SNX6: variants seen among roughly 807,000 people sequenced by gnomAD.
The protein encoded by SNX6 is sorting nexin 6.
Under a neutral mutation model 63.0 loss-of-function variants are expected in SNX6, and 34 were observed. That is an observed-to-expected ratio of 0.54 (90% CI 0.41 to 0.72). The LOEUF (loss-of-function observed/expected upper bound fraction) is 0.72, where lower values mean the gene tolerates loss of function less well. Among genes scored for constraint, SNX6 ranks in the 30% least tolerant of loss-of-function variants. SNX6 has a pLI of 0.00. For missense variants in SNX6, 398 were observed against 471.4 expected (o/e 0.84, Z 1.44); for synonymous variants, 170 against 164.2 (o/e 1.04, Z -0.27).
rs1473410925 is a variant in SNX6 at position 34,608,055 on chromosome 14, T to C, written c.245A>G (p.Glu82Gly). ...GATATAACCTGCATAGTCTTCATTT[T>C]CAACAAAGGAATCATGAAGCCAGAT... ...EFIWLHDSFV[E>G]NEDYAGYIIP... Residue 82 changes from glutamate (E) to glycine (G), a missense_variant, in exon 4 of 14, where the codon GAA becomes GGA. By Grantham distance (98) the Glu-to-Gly change is moderately conservative. Transcript: ENST00000362031. 31 of 1,602,130 alleles carry C rather than the reference T, an allele frequency of 1.9e-5. No homozygotes were observed. The highest frequency in any genetic ancestry group is 2.6e-5 in the Non-Finnish European group (31 of 1,171,710).
Position 34,567,947 on chromosome 14 carries a change from C to T in SNX6, c.988G>A (p.Ala330Thr). 6.2e-7 allele frequency: 1 copy of T among 1,612,802 alleles called. No individual in the cohort carries two copies. The highest frequency in any genetic ancestry group is 8.5e-7 in the Non-Finnish European group (1 of 1,179,986). ...YENANKALDK[A>T]RAKNKDVLQA... ...AGAACATCTTTATTTTTTGCTCTTGCTTTATCCAGTGCTTTATTAGCATTT... is the reference window on the plus strand; with the variant it reads ...AGAACATCTTTATTTTTTGCTCTTGTTTTATCCAGTGCTTTATTAGCATTT... The change falls in exon 12 of 14, where the codon GCA (alanine) becomes ACA (threonine). Residue 330 changes from alanine (A) to threonine (T), a missense_variant. Physicochemically the swap from Ala to Thr is moderately conservative, Grantham distance 58. Transcript: ENST00000362031.
At chr14:34,602,093 C>T (rs923433674) in intron 6 of SNX6, among the ~76,000 whole-genome samples, 2 of 151,192 alleles carry the variant, frequency 1.3e-5, no homozygotes, top group Non-Finnish European at 1.5e-5. Context: ...AGTTCGAGAC[C>T]AGCCTGGCCA....
chr14:34,623,721 G>A lies in SNX6; in HGVS notation c.54+6186C>T, dbSNP rs114843478. Among the ~76,000 whole-genome samples the A allele has an allele frequency of 5.0e-3, 756 of 152,232 alleles. 6 individuals are homozygous for A. Among genetic ancestry groups the A allele is most frequent in the African/African-American group, 0.016 (682 of 41,544 alleles). On this transcript the variant is annotated intron_variant, in intron 2 of 13. Coordinates refer to ENST00000362031, the MANE Select transcript of SNX6 (RefSeq NM_152233.4). ...GGATATGACTCAGAGGTTTCTTGCC[G>A]GCACAACTGGAAAGTGATGCTATTA...
Position 34,575,793 on chromosome 14 carries a change from A to G in SNX6, c.884T>C (p.Leu295Pro), listed in dbSNP as rs1232099476. 3 of 1,597,290 alleles carry G rather than the reference A, an allele frequency of 1.9e-6. No homozygotes were observed. Among genetic ancestry groups the G allele is most frequent in the Non-Finnish European group, 2.6e-6 (3 of 1,172,506 alleles). Residue 295 changes from leucine (L) to proline (P), a missense_variant, in exon 11 of 14, where the codon CTT (leucine) becomes CCT (proline). Leu to Pro is a moderately conservative substitution (Grantham distance 98). Coordinates refer to ENST00000362031, the MANE Select transcript of SNX6 (RefSeq NM_152233.4). The stretch of plus-strand genomic sequence containing the variant: ...AGATTCTCTTAAGTAATATTTTAAA[A>G]GATCAGAAAGTTTGAGGTCTTCATC... ...SADEDLKLSD[L>P]LKYYLRESQA...
At chr14:34,630,070 C>G in intron 1 of SNX6, 41 bp downstream of exon 1, 1 of 1,457,418 alleles carries the variant, frequency 6.9e-7, no homozygotes. Flanking sequence ...CCCGCTGCCC[C>G]CACCGCGCTC....
At position 34,608,118 on chromosome 14, in the gene SNX6, T is replaced by C. The variant is rs749317511; in HGVS notation, c.182A>G (p.Gln61Arg). ...TTGCCGAACAACTGAAAACTCGTTT[T>C]GTTTAAAATTTGGCAATGAACTCTG... ...HTKSSLPNFK[Q>R]NEFSVVRQHE... Residue 61 changes from glutamine (Q) to arginine (R), a missense_variant, in exon 4 of 14, where the codon CAA (glutamine) becomes CGA (arginine). By Grantham distance (43) the Gln-to-Arg change is conservative. Coordinates refer to ENST00000362031, the MANE Select transcript of SNX6 (RefSeq NM_152233.4). 1 of 1,605,414 alleles carries C rather than the reference T, an allele frequency of 6.2e-7. No homozygotes were observed. The highest frequency in any genetic ancestry group is 1.3e-5 in the African/African-American group (1 of 74,518).
intron 13 of SNX6, among the ~76,000 whole-genome samples, chr14:34,566,433 G>C (rs1010591990): frequency 1.3e-5 from 2 of 151,984 alleles, no homozygotes; most frequent in African/African-American, 4.8e-5. Flanking sequence ...GGCTGGTCTT[G>C]AACACCTGAC....
At chr14:34,569,264 A>G in intron 11 of SNX6, 3 of 517,982 alleles carry the variant, frequency 5.8e-6, no homozygotes, top group Non-Finnish European at 1.0e-5. Context: ...GCAAGCTCAC[A>G]GAACTGAGGA....
chr14:34,628,488 G>A (rs1384557839), intron 2 of SNX6, among the ~76,000 whole-genome samples: 3 of 152,018 alleles, frequency 2.0e-5, no homozygotes, highest in African/African-American at 7.2e-5. Flanking sequence ...ACCCAGCTAG[G>A]CATGGTGGCC....
At chr14:34,626,351 T>C (rs1476879306) in intron 2 of SNX6, among the ~76,000 whole-genome samples, 1 of 151,872 alleles carries the variant, frequency 6.6e-6, no homozygotes, top group Non-Finnish European at 1.5e-5. Flanking sequence ...TTTAATTTTG[T>C]AATACATGAA....
chr14:34,590,652 C>T (rs1196966457), intron 8 of SNX6, among the ~76,000 whole-genome samples: 1 of 151,816 alleles, frequency 6.6e-6, no homozygotes, highest in Non-Finnish European at 1.5e-5. Context: ...ATGCCCTGCT[C>T]GTGGGAATGC....
intron 7 of SNX6, among the ~76,000 whole-genome samples, chr14:34,594,991 T>C (rs183177508): frequency 6.6e-6 from 1 of 151,480 alleles, no homozygotes; most frequent in Admixed American, 6.6e-5. Flanking sequence ...ACTTGGGAGG[T>C]TGAAGTGGGA....
At chr14:34,575,406 G>A (rs1010578736) in intron 11 of SNX6, among the ~76,000 whole-genome samples, 2 of 152,004 alleles carry the variant, frequency 1.3e-5, no homozygotes, top group African/African-American at 2.4e-5. Context: ...CATCATGCTA[G>A]CCAGGCTGGT....
chr14:34,629,086 T>C (rs1381858222), intron 2 of SNX6, among the ~76,000 whole-genome samples: 1 of 151,486 alleles, frequency 6.6e-6, no homozygotes, highest in East Asian at 1.9e-4. Context: ...GGAGCGTCGA[T>C]GTTGGTCAAA....
chr14:34,565,373 G>A (rs1319509939), intron 13 of SNX6, among the ~76,000 whole-genome samples: 4 of 151,586 alleles, frequency 2.6e-5, no homozygotes, highest in African/African-American at 7.3e-5. Context: ...CACCGCGCCC[G>A]GCTGACATAT....
chr14:34,570,067 T>G (rs1171693146), intron 11 of SNX6, among the ~76,000 whole-genome samples: 1 of 152,052 alleles, frequency 6.6e-6, no homozygotes, highest in African/African-American at 2.4e-5. Context: ...TTGGGGTTTT[T>G]TTTTTTGTTT....
chr14:34,619,311 A>T (rs1372854557), intron 2 of SNX6, among the ~76,000 whole-genome samples: 1 of 152,086 alleles, frequency 6.6e-6, no homozygotes. Flanking sequence ...AGTCCCTGCT[A>T]CTTGGGAGGC....
At chr14:34,605,500 T>C in intron 5 of SNX6, 96 bp downstream of exon 5, 1 of 980,898 alleles carries the variant, frequency 1.0e-6, no homozygotes, top group Non-Finnish European at 1.5e-6. Context: ...AATGATGGGA[T>C]ATCAGAAAAC....
chr14:34,589,459 A>ACAC (rs1254022197), intron 8 of SNX6, among the ~76,000 whole-genome samples: 1 of 152,176 alleles, frequency 6.6e-6, no homozygotes, highest in African/African-American at 2.4e-5. Context: ...TCACAAAAAC[A>ACAC]AAAACACAAA....
Sources: allele counts gnomAD v4.1 joint callset (sites outside exome capture counted in the v4.1 genomes callset), GRCh38; gene constraint gnomAD v4.1.1; transcripts MANE v1.5; gene names NCBI Gene and HGNC (gene_info 2026-07-23, HGNC 2026-07-21).